Variants in EXD3 observed in about 807,000 individuals in gnomAD.
The protein encoded by EXD3 is exonuclease 3'-5' domain containing 3, also known as exonuclease mut-7 homolog.
Under a neutral mutation model 98.0 loss-of-function variants are expected in EXD3, and 92 were observed. The ratio of observed to expected loss-of-function variants is 0.94; its 90% CI spans 0.79 to 1.12. The LOEUF is 1.12. Ranked by LOEUF, EXD3 falls within the 50% of genes most tolerant of loss-of-function variation. The pLI, the probability that EXD3 is intolerant of heterozygous loss-of-function variation, is 0.00. For missense variants in EXD3, 1,222 were observed against 1,191.6 expected, an observed-to-expected ratio of 1.03 and a Z score of -0.38; for synonymous variants, 569 against 526.0, an observed-to-expected ratio of 1.08 and a Z score of -1.12.
chr9:137,416,861 C>T (rs1838255050), intron 1 of EXD3, among the ~76,000 whole-genome samples: 1 of 152,226 alleles, frequency 6.6e-6, no homozygotes, highest in Non-Finnish European at 1.5e-5. Context: ...CCACCTGGAG[C>T]AGAAGGGAGC....
At chr9:137,344,294 G>A (rs1038668914) in intron 17 of EXD3, among the ~76,000 whole-genome samples, 1 of 152,142 alleles carries the variant, frequency 6.6e-6, no homozygotes, top group African/African-American at 2.4e-5. Flanking sequence ...CAACTCATCT[G>A]TAAGACTTTC....
chr9:137,389,823 A>AT (rs1353501456), intron 2 of EXD3, among the ~76,000 whole-genome samples: 1 of 152,166 alleles, frequency 6.6e-6, no homozygotes, highest in African/African-American at 2.4e-5. Flanking sequence ...TGAAATGCCT[A>AT]TTTTTAAAAA....
intron 2 of EXD3, among the ~76,000 whole-genome samples, chr9:137,387,198 CCT>C (rs1327254575): frequency 9.9e-5 from 15 of 151,428 alleles, no homozygotes; most frequent in South Asian, 8.3e-4. Context: ...CCCTTCTGCC[CCT>C]GTCGCTTCAC....
chr9:137,355,474 A>G, intron 8 of EXD3, among the ~76,000 whole-genome samples: 2 of 122,554 alleles, frequency 1.6e-5, no homozygotes, highest in East Asian at 2.4e-4. Flanking sequence ...AGGAGGAAGG[A>G]GGAAGGAGGA....
intron 1 of EXD3, among the ~76,000 whole-genome samples, chr9:137,416,652 G>A (rs1266508828): frequency 1.3e-5 from 2 of 152,340 alleles, no homozygotes; most frequent in South Asian, 2.1e-4. Context: ...CCTGCGCCAC[G>A]CCAGGCGGCC....
rs1256863973 is a variant in EXD3, at chr9:137,307,053, G to T, written c.2528C>A (p.Ser843Tyr). 1.2e-6 allele frequency: 2 copies of T among 1,612,218 alleles called. No individual in the cohort carries two copies. Among genetic ancestry groups the T allele is most frequent in the Non-Finnish European group, 1.7e-6 (2 of 1,179,658 alleles). Residue 843 changes from serine (S) to tyrosine (Y), a missense_variant, in exon 22 of 22, where the codon TCC (serine) becomes TAC (tyrosine). Coordinates refer to ENST00000340951, the MANE Select transcript of EXD3 (RefSeq NM_017820.5). ...TGCGKVFWDG[S>Y]HLGRVATHFR... ...GTGGGTGGCAACACGACCCAGGTGG[G>T]AGCCGTCCCAGAAGACCTTTCCACA...
chr9:137,311,858 G>T lies in EXD3; in HGVS notation c.2185-2158C>A, dbSNP rs972682665. ...ACTGCCCTGGGCGGGTGGCTGCCAC[G>T]GGCTGAGGGAGTGAGTGGTGCTGGT... is the stretch of plus-strand genomic sequence containing the variant. On this transcript the variant is annotated intron_variant, in intron 19 of 21. Transcript: ENST00000340951. Among the ~76,000 whole-genome samples the T allele has an allele frequency of 2.6e-5, 4 of 152,156 alleles. No homozygotes were observed. In the East Asian group the frequency reaches 7.7e-4, roughly 29 times the overall value.
chr9:137,408,896 G>T (rs539811420), intron 1 of EXD3, among the ~76,000 whole-genome samples: 1 of 152,194 alleles, frequency 6.6e-6, no homozygotes, highest in African/African-American at 2.4e-5. Flanking sequence ...AAGTCTGCAG[G>T]GCTGTTTTTA....
intron 5 of EXD3, among the ~76,000 whole-genome samples, 184 bp from the exon 6 acceptor site, chr9:137,368,173 T>A (rs1247451165): frequency 6.6e-6 from 1 of 152,164 alleles, no homozygotes; most frequent in Admixed American, 6.5e-5. Context: ...AGCCCCCCCG[T>A]GCTGAGCCAG....
intron 3 of EXD3, among the ~76,000 whole-genome samples, chr9:137,379,688 G>T (rs540485837): frequency 6.6e-6 from 1 of 152,100 alleles, no homozygotes; most frequent in South Asian, 2.1e-4. Flanking sequence ...TATATGTCGT[G>T]CATCTTACCC....
intron 17 of EXD3, among the ~76,000 whole-genome samples, chr9:137,338,554 T>C (rs28378238): frequency 0.014 from 2,195 of 151,890 alleles, 34 homozygotes; most frequent in African/African-American, 0.05. Context: ...AAAAATGCAA[T>C]AGAAAGACTT....
intron 17 of EXD3, among the ~76,000 whole-genome samples, chr9:137,342,370 C>T (rs1047828073): frequency 6.7e-6 from 1 of 149,280 alleles, no homozygotes; most frequent in Non-Finnish European, 1.5e-5. Flanking sequence ...AGGGCTCAGG[C>T]ACCAGGAGCC....
chr9:137,346,238 C>CAAA lies in EXD3; in HGVS notation c.1998+1830_1998+1832dup, dbSNP rs563761495. On this transcript the variant is annotated intron_variant, in intron 17 of 21. Transcript: ENST00000340951. ...TGGGAGACAGAGCAAGACTCCGTCTCAAAAAAAAAAAAAAAAAAAAAAAAA... is the reference window on the plus strand; with the variant it reads ...TGGGAGACAGAGCAAGACTCCGTCTCAAAAAAAAAAAAAAAAAAAAAAAAAAAA... Among the ~76,000 whole-genome samples the CAAA allele has an allele frequency of 7.9e-3, 107 of 13,606 alleles. 20 individuals carry two copies. Among genetic ancestry groups the CAAA allele is most frequent in the African/African-American group, 0.019 (67 of 3,504 alleles). 8.9% of individuals were successfully genotyped at this position (13,606 alleles called of 152,430 possible). A position where few individuals can be genotyped will look rare whatever the true frequency, so the allele number is the denominator to read the frequency against.
chr9:137,388,226 A>C (rs1220600709), intron 2 of EXD3, among the ~76,000 whole-genome samples: 1 of 151,896 alleles, frequency 6.6e-6, no homozygotes, highest in Non-Finnish European at 1.5e-5. Flanking sequence ...ACCCTCCCCA[A>C]AACGTGCCTG....
chr9:137,415,365 TGTAATTTTA>T (rs1838189699), intron 1 of EXD3, among the ~76,000 whole-genome samples: 1 of 151,996 alleles, frequency 6.6e-6, no homozygotes, highest in Admixed American at 6.6e-5. Context: ...AGCTAATTTT[TGTAATTTTA>T]GTAGAGACAG....
chr9:137,347,912 C>T lies in EXD3; in HGVS notation c.1998+159G>A, dbSNP rs543431814. 1.9e-4 allele frequency among the ~76,000 whole-genome samples: 29 copies of T among 152,322 alleles called. 2 individuals carry two copies. In the South Asian group the frequency reaches 5.8e-3, roughly 31 times the overall value. On this transcript the variant is annotated intron_variant, in intron 17 of 21. Coordinates refer to ENST00000340951, the MANE Select transcript of EXD3 (RefSeq NM_017820.5). The surrounding 1 kb of genome is among the most constrained non-coding windows in gnomAD (Gnocchi z 4.2). ...ATCTCAGCCACTTGGCCCCCAACCG[C>T]TCCATCCTTGGCCACCCCGTCCTGT...
chr9:137,348,078 G>A lies in EXD3; in HGVS notation c.1991C>T (p.Ala664Val), dbSNP rs765802505. The change falls in exon 17 of 22, where the codon GCG becomes GTG. Residue 664 changes from alanine (A) to valine (V), a missense_variant. Coordinates refer to ENST00000340951, the MANE Select transcript of EXD3 (RefSeq NM_017820.5). The part of the protein sequence containing the change: ...MLGNGEDHRR[A>V]AEVARQEGRI... ...CCCTCCCCGCAAACTCACCTCGGCC[G>A]CCCTGCGGTGGTCTTCACCATTGCC... 4.1e-5 allele frequency: 66 copies of A among 1,610,398 alleles called. No individual in the cohort carries two copies. The highest frequency in any genetic ancestry group is 1.3e-4 in the South Asian group (12 of 90,766).
intron 3 of EXD3, among the ~76,000 whole-genome samples, chr9:137,382,880 G>A (rs1836389396): frequency 6.6e-6 from 1 of 152,128 alleles, no homozygotes; most frequent in South Asian, 2.1e-4. Flanking sequence ...CTCTCCCCTG[G>A]CCTCTCCCGC....
rs183300110 is a variant in EXD3, at chr9:137,363,190, T to C, written c.656+3303A>G. On this transcript the variant is annotated intron_variant, in intron 7 of 21. Coordinates refer to ENST00000340951, the MANE Select transcript of EXD3 (RefSeq NM_017820.5). ...TTTTGTATTTTTACATTTATCCTCA[T>C]GAAATATGTTGGACTTTAGTTTTCC... Among the ~76,000 whole-genome samples, 586 of 152,200 alleles carry C rather than the reference T, an allele frequency of 3.9e-3. 18 individuals carry two copies. Among genetic ancestry groups the C allele is most frequent in the Admixed American group, 0.036 (543 of 15,280 alleles).
Sources: allele counts gnomAD v4.1 joint callset (sites outside exome capture counted in the v4.1 genomes callset), GRCh38; gene constraint gnomAD v4.1.1; non-coding constraint Gnocchi (gnomAD v3.1); transcripts MANE v1.5; gene names NCBI Gene and HGNC (gene_info 2026-07-23, HGNC 2026-07-21).